The following MLIP variants were observed in gnomAD, a reference collection of about 807,000 sequenced individuals.
MLIP encodes muscular LMNA interacting protein.
In MLIP, 79 loss-of-function variants were observed where a neutral mutation model predicts 84.8. That is an observed-to-expected ratio of 0.93 (90% CI 0.78 to 1.12). The LOEUF is 1.12. Ranked by LOEUF, MLIP falls within the 50% of genes most tolerant of loss-of-function variation. The probability of loss-of-function intolerance (pLI) is 0.00; values close to 1 mark genes in which losing one functional copy is unlikely to be tolerated. For synonymous variants in MLIP, 504 were observed against 463.0 expected, an observed-to-expected ratio of 1.09 and a Z score of -1.14; for missense variants, 1,257 against 1,160.6, an observed-to-expected ratio of 1.08 and a Z score of -1.21.
intron 8 of MLIP, among the ~76,000 whole-genome samples, chr6:54,161,304 A>G (rs1774615477): frequency 2.0e-5 from 3 of 151,862 alleles, no homozygotes; most frequent in Non-Finnish European, 1.5e-5. Context: ...GATTGAATCT[A>G]TTTCATTATT....
chr6:54,257,163 A>C, intron 12 of MLIP, 145 bp from the exon 13 acceptor site: 3 of 614,958 alleles, frequency 4.9e-6, no homozygotes, highest in Non-Finnish European at 8.6e-6. Context: ...GTGACAATTG[A>C]ATCTTAGTGT....
At chr6:54,212,980 T>C (rs1409604388) in intron 11 of MLIP, among the ~76,000 whole-genome samples, 1 of 152,218 alleles carries the variant, frequency 6.6e-6, no homozygotes, top group Non-Finnish European at 1.5e-5. Flanking sequence ...TAAGTGAAGA[T>C]ACTTTTAATA....
chr6:54,066,490 T>C lies in MLIP; in HGVS notation c.63+47399T>C, dbSNP rs533709406. Among the ~76,000 whole-genome samples, 10 of 99,596 alleles carry C rather than the reference T, an allele frequency of 1.0e-4. 2 individuals are homozygous for C. The East Asian group carries it at 2.7e-3, about 27-fold the overall frequency. The allele number at this position is 99,596 out of a possible 152,430, so 65.3% of individuals were successfully genotyped here. ...ATTCTAAGCAGTATGTGTGTGTGTC[T>C]GTGTGTCGGTGTGTGTGTTTGCATG... On this transcript the variant is annotated intron_variant, in intron 1 of 12. Transcript: ENST00000274897.
rs1393554027 is a variant in MLIP at position 54,160,409 on chromosome 6, A to G, written c.2332A>G (p.Asn778Asp). 6.2e-7 allele frequency: 1 copy of G among 1,612,544 alleles called. No homozygotes were observed. The highest frequency in any genetic ancestry group is 2.2e-5 in the East Asian group (1 of 44,714). The change falls in exon 6 of 14, where the codon AAC (asparagine) becomes GAC (aspartate). Residue 778 changes from asparagine (N) to aspartate (D), a missense_variant. Asn to Asp is a conservative substitution (Grantham distance 23, BLOSUM62 1). Coordinates refer to ENST00000502396, the MANE Select transcript of MLIP (RefSeq NM_001281747.2). ...CAAGACTGAAAGTGTCTCCAAGGAC[A>G]ACACATTAGAACCACCAGTGGAGGT... is the stretch of plus-strand genomic sequence containing the variant. ...PAKTESVSKD[N>D]TLEPPVELYF...
At position 54,118,282 on chromosome 6, in the gene MLIP, A is replaced by G. The variant is rs189627393; in HGVS notation, c.97-3165A>G. On this transcript the variant is annotated intron_variant, in intron 1 of 13. Transcript: ENST00000502396. ...ATTCACAGTATACTACTACAAAGCT[A>G]TAGTAACCAAAATAGCATGATGCTG... Among the ~76,000 whole-genome samples the G allele has an allele frequency of 2.0e-5, 3 of 152,332 alleles. No individual in the cohort carries two copies. The East Asian group carries it at 5.8e-4, about 29-fold the overall frequency.
intron 9 of MLIP, among the ~76,000 whole-genome samples, chr6:54,178,625 T>G (rs1437273716): frequency 6.6e-6 from 1 of 152,214 alleles, no homozygotes; most frequent in Non-Finnish European, 1.5e-5. Context: ...TCTTTCAATT[T>G]CTTTCTTAAT....
intron 1 of MLIP, among the ~76,000 whole-genome samples, chr6:54,082,938 C>T (rs1430734025): frequency 6.6e-6 from 1 of 152,122 alleles, no homozygotes; most frequent in Admixed American, 6.5e-5. Context: ...TTTTTCATAA[C>T]TCTCTAGAAG....
At chr6:54,180,383 G>C (rs1024829281) in intron 9 of MLIP, among the ~76,000 whole-genome samples, 1 of 152,054 alleles carries the variant, frequency 6.6e-6, no homozygotes, top group Non-Finnish European at 1.5e-5. Context: ...GGAAATTTCT[G>C]TTATTGTACC....
intron 1 of MLIP, among the ~76,000 whole-genome samples, chr6:54,074,762 C>T (rs527505541): frequency 2.0e-5 from 3 of 152,208 alleles, no homozygotes; most frequent in Admixed American, 6.5e-5. Flanking sequence ...GGCAAATATT[C>T]AGTTTTGCTG....
rs118098113 is a variant in MLIP, at chr6:54,074,793, A to G, written c.64-46654A>G. Among the ~76,000 whole-genome samples the G allele has an allele frequency of 5.8e-4, 88 of 152,322 alleles. No individual in the cohort carries two copies. In the East Asian group the frequency reaches 0.014, roughly 25 times the overall value. ...TGCTGCCTTTAAAATGGGGGAAAAT[A>G]TGGAGCCTGCATGTCTGTGAGGGAT... On this transcript the variant is annotated intron_variant, in intron 1 of 12. Coordinates refer to the MLIP transcript ENST00000274897.
chr6:54,114,080 G>A (rs1468465984), intron 1 of MLIP, among the ~76,000 whole-genome samples: 1 of 152,212 alleles, frequency 6.6e-6, no homozygotes, highest in Non-Finnish European at 1.5e-5. Context: ...ACTACTGTCA[G>A]TGATGTTTCA....
At chr6:54,246,017 T>C (rs915111596) in intron 12 of MLIP, among the ~76,000 whole-genome samples, 3 of 152,148 alleles carry the variant, frequency 2.0e-5, no homozygotes, top group Non-Finnish European at 2.9e-5. Flanking sequence ...GTGTGACTAA[T>C]GAAAGCACAA....
At chr6:54,241,448 G>A (rs1229136064) in intron 12 of MLIP, among the ~76,000 whole-genome samples, 2 of 151,792 alleles carry the variant, frequency 1.3e-5, no homozygotes, top group Non-Finnish European at 2.9e-5. Context: ...TTACAATTGG[G>A]CCTGAGTGTT....
intron 4 of MLIP, among the ~76,000 whole-genome samples, chr6:54,138,955 T>A (rs1429131676): frequency 6.6e-6 from 1 of 152,218 alleles, no homozygotes; most frequent in Non-Finnish European, 1.5e-5. Flanking sequence ...AATGTAGTTT[T>A]AGAGCTTTGA....
chr6:54,025,256 C>T (rs1396687157), intron 1 of MLIP, among the ~76,000 whole-genome samples: 1 of 152,214 alleles, frequency 6.6e-6, no homozygotes, highest in African/African-American at 2.4e-5. Flanking sequence ...AAGGCCCTGA[C>T]ATGCCCCAAA....
chr6:54,262,576 G>C (rs1562121478), intron 13 of MLIP, among the ~76,000 whole-genome samples: 1 of 152,002 alleles, frequency 6.6e-6, no homozygotes, highest in Non-Finnish European at 1.5e-5. Flanking sequence ...AGCCAGGCTT[G>C]AGCTAAAGTT....
chr6:54,244,408 CTA>C (rs1781940254), intron 12 of MLIP, among the ~76,000 whole-genome samples: 2 of 152,162 alleles, frequency 1.3e-5, no homozygotes, highest in African/African-American at 2.4e-5. Flanking sequence ...AACATGTACA[CTA>C]TTTGACGATG....
intron 10 of MLIP, among the ~76,000 whole-genome samples, chr6:54,199,582 G>A (rs1468213776): frequency 2.0e-5 from 3 of 152,220 alleles, no homozygotes; most frequent in African/African-American, 7.2e-5. Flanking sequence ...GTATACCAAG[G>A]TTTGTGGAGG....
At chr6:54,247,496 C>T (rs368283016) in intron 12 of MLIP, among the ~76,000 whole-genome samples, 1 of 152,130 alleles carries the variant, frequency 6.6e-6, no homozygotes, top group East Asian at 1.9e-4. Flanking sequence ...TATAGTCAGA[C>T]CATGTAGGGC....
Sources: allele counts gnomAD v4.1 joint callset (sites outside exome capture counted in the v4.1 genomes callset), GRCh38; gene constraint gnomAD v4.1.1; transcripts MANE v1.5; gene names NCBI Gene and HGNC (gene_info 2026-07-23, HGNC 2026-07-21).